Variants in PUDP observed in about 807,000 individuals in gnomAD.
PUDP encodes the protein pseudouridine-5'-phosphatase.
PUDP carries 8 observed loss-of-function variants against 9.4 expected under a neutral mutation model. The observed-to-expected ratio is 0.85, with a 90% CI of 0.50 to 1.53. The LOEUF is 1.53. PUDP is among the 40% of genes most tolerant of loss of function. The pLI is 0.00. For synonymous variants in PUDP, 99 were observed against 80.7 expected (o/e 1.23, Z -1.22); for missense variants, 188 against 189.7 (o/e 0.99, Z 0.05).
chrX:6,874,786 T>C (rs1396921439), intron 3 of PUDP, among the ~76,000 whole-genome samples: 1 of 112,328 alleles, frequency 8.9e-6, no homozygotes, highest in Non-Finnish European at 1.9e-5. Context: ...CTAATGTTTC[T>C]TTTGGGAAAC....
intron 3 of PUDP, among the ~76,000 whole-genome samples, chrX:6,776,945 T>C (rs1925475400): frequency 8.9e-6 from 1 of 112,516 alleles, no homozygotes; most frequent in Non-Finnish European, 1.9e-5. Flanking sequence ...AGAATCATAA[T>C]TACCAAATTA....
intron 3 of PUDP, among the ~76,000 whole-genome samples, chrX:6,825,744 G>A (rs1926414051): frequency 9.0e-6 from 1 of 110,868 alleles, no homozygotes; most frequent in African/African-American, 3.3e-5. Flanking sequence ...TTCCCTTCTT[G>A]TCTCTCCCAT....
chrX:6,954,715 A>AT (rs1928601645), intron 3 of PUDP, among the ~76,000 whole-genome samples: 1 of 112,534 alleles, frequency 8.9e-6, no homozygotes. Context: ...GGTAAAAGGC[A>AT]TACAGAAAAG....
At chrX:7,057,717 T>C (rs1430538652) in intron 3 of PUDP, 6 of 1,150,199 alleles carry the variant, frequency 5.2e-6, no homozygotes, top group Non-Finnish European at 6.9e-6. Flanking sequence ...TCAGGTGTCA[T>C]CAGAGCAGAG....
chrX:7,017,884 G>A (rs1271927686), intron 1 of PUDP, among the ~76,000 whole-genome samples: 1 of 111,669 alleles, frequency 9.0e-6, no homozygotes, highest in Non-Finnish European at 1.9e-5. Context: ...GATGAGATAG[G>A]AGGTTGGCAC....
intron 1 of PUDP, among the ~76,000 whole-genome samples, chrX:7,039,672 T>C (rs1208769930): frequency 5.3e-5 from 6 of 112,317 alleles, no homozygotes; most frequent in Non-Finnish European, 9.4e-5. Context: ...TCTAGAACTG[T>C]AAGAACAATT....
At chrX:6,882,812 G>A (rs772353213) in intron 3 of PUDP, among the ~76,000 whole-genome samples, 5 of 111,331 alleles carry the variant, frequency 4.5e-5, no homozygotes, top group African/African-American at 9.8e-5. Flanking sequence ...GTCCTGCAGC[G>A]GCACTGAGGC....
intron 3 of PUDP, among the ~76,000 whole-genome samples, chrX:6,802,926 C>CATAAA (rs1925963200): frequency 2.9e-4 from 1 of 3,455 alleles, no homozygotes; most frequent in Non-Finnish European, 4.8e-4. Flanking sequence ...CATAACATAA[C>CATAAA]ATAAAATAAT....
intron 1 of PUDP, chrX:7,112,945 G>A (rs142232996): frequency 8.9e-6 from 1 of 112,592 alleles, no homozygotes; most frequent in African/African-American, 3.2e-5. Context: ...TTACAGGTGT[G>A]AGCCACGGTG....
chrX:6,804,482 GA>G (rs1171593686), intron 3 of PUDP, among the ~76,000 whole-genome samples: 3 of 111,511 alleles, frequency 2.7e-5, no homozygotes, highest in African/African-American at 6.5e-5. Flanking sequence ...ATTGAATGGT[GA>G]AAAAAAATGT....
chrX:6,717,872 G>A (rs185903124), intron 1 of PUDP, among the ~76,000 whole-genome samples: 1 of 111,543 alleles, frequency 9.0e-6, no homozygotes, highest in East Asian at 2.8e-4. Flanking sequence ...ATTGTTTTTC[G>A]ACTTTTTAGT....
intron 1 of PUDP, among the ~76,000 whole-genome samples, chrX:7,031,433 C>T (rs185459246): frequency 2.2e-3 from 251 of 111,715 alleles, no homozygotes; most frequent in Non-Finnish European, 3.6e-3. Flanking sequence ...TCCCCTGAGA[C>T]GTAATGATGA....
chrX:7,136,699 C>G (rs1352356925), intron 1 of PUDP, among the ~76,000 whole-genome samples: 2 of 99,526 alleles, frequency 2.0e-5, no homozygotes, highest in Non-Finnish European at 4.1e-5. Context: ...CAGTGGGACC[C>G]CCCCCCCCAA....
chrX:6,930,493 C>T (rs1158738952), intron 3 of PUDP, among the ~76,000 whole-genome samples: 1 of 111,565 alleles, frequency 9.0e-6, no homozygotes, highest in African/African-American at 3.3e-5. Context: ...GCCTTGGCAA[C>T]GTCCTGCAGT....
intron 3 of PUDP, among the ~76,000 whole-genome samples, chrX:6,852,905 G>A (rs1472744261): frequency 9.0e-6 from 1 of 111,276 alleles, no homozygotes; most frequent in African/African-American, 3.3e-5. Flanking sequence ...CTCTGCTGCA[G>A]AGAGGGGATC....
At chrX:6,788,393 G>T (rs1483824188) in intron 3 of PUDP, among the ~76,000 whole-genome samples, 1 of 111,772 alleles carries the variant, frequency 8.9e-6, no homozygotes, top group Admixed American at 9.5e-5. Context: ...ATGATGACAG[G>T]ATATAACCCC....
At chrX:6,889,748 C>A (rs1927485437) in intron 3 of PUDP, among the ~76,000 whole-genome samples, 1 of 111,818 alleles carries the variant, frequency 8.9e-6, no homozygotes, top group Non-Finnish European at 1.9e-5. Flanking sequence ...TAAGACTCAT[C>A]ACTCGGCTGT....
chrX:6,973,326 CT>C (rs1354118390), intron 3 of PUDP, among the ~76,000 whole-genome samples: 1 of 112,143 alleles, frequency 8.9e-6, no homozygotes, highest in African/African-American at 3.2e-5. Context: ...ATCTTTCCCA[CT>C]TTCTCCTGTG....
chrX:7,097,981 A>G (rs781174971), intron 2 of PUDP, among the ~76,000 whole-genome samples: 4 of 111,635 alleles, frequency 3.6e-5, no homozygotes, highest in Non-Finnish European at 5.6e-5. Context: ...TGTCCATGTC[A>G]TGGCTGGTGT....
Sources: allele counts gnomAD v4.1 joint callset (sites outside exome capture counted in the v4.1 genomes callset), GRCh38; gene constraint gnomAD v4.1.1; transcripts MANE v1.5; gene names NCBI Gene and HGNC (gene_info 2026-07-23, HGNC 2026-07-21).